Variants in ARMH4 observed in about 807,000 individuals in gnomAD.
The protein encoded by ARMH4 is armadillo like helical domain containing 4, also known as armadillo-like helical domain-containing protein 4.
A neutral mutation model predicts 61.9 loss-of-function variants in ARMH4; 49 were observed. That is an observed-to-expected ratio of 0.79 (90% CI 0.63 to 1.00). ARMH4 has a LOEUF of 1.00. ARMH4 is among the 50% of genes least tolerant of loss of function. ARMH4 has a pLI of 0.00. For synonymous variants in ARMH4, 368 were observed against 341.5 expected, an observed-to-expected ratio of 1.08 and a Z score of -0.85; for missense variants, 934 against 930.0, an observed-to-expected ratio of 1.00 and a Z score of -0.06.
intron 4 of ARMH4, among the ~76,000 whole-genome samples, chr14:58,109,297 T>C (rs951298396): frequency 1.3e-5 from 2 of 152,224 alleles, no homozygotes; most frequent in African/African-American, 4.8e-5. Flanking sequence ...TTAAACCACA[T>C]AGAACTGATT....
intron 5 of ARMH4, among the ~76,000 whole-genome samples, chr14:58,054,780 G>T (rs1171524502): frequency 6.6e-6 from 1 of 151,248 alleles, no homozygotes; most frequent in Non-Finnish European, 1.5e-5. Flanking sequence ...CACCTGTAAT[G>T]CCAGAAGAAT....
intron 4 of ARMH4, among the ~76,000 whole-genome samples, chr14:58,098,697 G>T (rs963273616): frequency 6.6e-6 from 1 of 152,160 alleles, no homozygotes; most frequent in Admixed American, 6.5e-5. Flanking sequence ...TCAAACAATG[G>T]CAAAGAAGCC....
chr14:58,003,628 G>T lies in ARMH4; in HGVS notation c.*1108C>A, dbSNP rs1472731459. On this transcript the variant is annotated 3_prime_UTR_variant, in exon 8 of 8. Coordinates refer to ENST00000267485, the MANE Select transcript of ARMH4 (RefSeq NM_001001872.4). Reference sequence around the variant, plus strand: ...CAGGGAATTACATTCCAAGGGAGATGAGAAATGATTGAACATATTTCAATA... The same window carrying T: ...CAGGGAATTACATTCCAAGGGAGATTAGAAATGATTGAACATATTTCAATA... 2 of 152,224 alleles carry T rather than the reference G, an allele frequency of 1.3e-5. No homozygotes were observed. Among genetic ancestry groups the T allele is most frequent in the Non-Finnish European group, 2.9e-5 (2 of 68,038 alleles). The allele number at this position is 152,224 out of a possible 1,614,324, so 9.4% of individuals were successfully genotyped here. A position where few individuals can be genotyped will look rare whatever the true frequency, so the allele number is the denominator to read the frequency against.
Position 58,110,110 on chromosome 14 carries a change from T to G in ARMH4, c.1832-13129A>C, listed in dbSNP as rs773898447. Among the ~76,000 whole-genome samples the G allele has an allele frequency of 8.5e-5, 13 of 152,296 alleles. No individual in the cohort carries two copies. In the South Asian group the frequency reaches 1.0e-3, roughly 12 times the overall value. On this transcript the variant is annotated intron_variant, in intron 4 of 7. Transcript: ENST00000267485. ...GGGGATTACAATTCAAGATGAGATT[T>G]GGGTGGGGATACAGAGCCAAACCGT...
At chr14:58,097,243 A>G (rs1476479604) in intron 4 of ARMH4, among the ~76,000 whole-genome samples, 1 of 152,200 alleles carries the variant, frequency 6.6e-6, no homozygotes, top group Non-Finnish European at 1.5e-5. Context: ...AAGTAATATG[A>G]TTTGTTATTA....
chr14:58,096,548 T>G (rs577465038), intron 5 of ARMH4, among the ~76,000 whole-genome samples, 176 bp downstream of exon 5: 1 of 152,336 alleles, frequency 6.6e-6, no homozygotes, highest in African/African-American at 2.4e-5. Flanking sequence ...TAATTATCAG[T>G]TATTTCTTCG....
chr14:58,036,611 G>A (rs892825892), intron 5 of ARMH4, among the ~76,000 whole-genome samples: 3 of 129,244 alleles, frequency 2.3e-5, no homozygotes, highest in Non-Finnish European at 5.1e-5. Context: ...AAGTCAAATT[G>A]TCCCTGTTTG....
intron 5 of ARMH4, among the ~76,000 whole-genome samples, chr14:58,024,484 C>T (rs1381012718): frequency 6.6e-6 from 1 of 152,128 alleles, no homozygotes; most frequent in Non-Finnish European, 1.5e-5. Flanking sequence ...CTGATTTGAT[C>T]TTCTACACAG....
At chr14:58,074,545 A>T (rs1262225919) in intron 5 of ARMH4, among the ~76,000 whole-genome samples, 1 of 151,028 alleles carries the variant, frequency 6.6e-6, no homozygotes, top group East Asian at 1.9e-4. Flanking sequence ...TCAAGCTCTG[A>T]TTTGTAGTAT....
At position 58,049,193 on chromosome 14, in the gene ARMH4, G is replaced by T. The variant is rs185062802; in HGVS notation, c.2090-37043C>A. Among the ~76,000 whole-genome samples, 799 of 150,274 alleles carry T rather than the reference G, an allele frequency of 5.3e-3. 4 individuals are homozygous for T. Among genetic ancestry groups the T allele is most frequent in the African/African-American group, 0.019 (756 of 40,828 alleles). ...GGCGGAGCTTGCAGTGAGCCGAGAT[G>T]GCACCACTGCACTCCAGCTGGGGCA... is the stretch of plus-strand genomic sequence containing the variant. On this transcript the variant is annotated intron_variant, in intron 5 of 7. Transcript: ENST00000267485.
rs1555346256 is a variant in ARMH4 at position 58,152,171 on chromosome 14, T to TAGCGGC, written c.-159_-154dup. 2.5e-5 allele frequency: 4 copies of TAGCGGC among 160,330 alleles called. No homozygotes were observed. The highest frequency in any genetic ancestry group is 4.0e-5 in the Non-Finnish European group (3 of 74,536). The allele number at this position is 160,330 out of a possible 1,614,324, so 9.9% of individuals were successfully genotyped here. A position where few individuals can be genotyped will look rare whatever the true frequency, so the allele number is the denominator to read the frequency against. On this transcript the variant is annotated 5_prime_UTR_variant, in exon 1 of 8. Coordinates refer to ENST00000267485, the MANE Select transcript of ARMH4 (RefSeq NM_001001872.4). ...GCGGGCCCTGCGGCGGCGGCGGCGG[T>TAGCGGC]AGCGGCGGCGACTCCCTCCGCTGTC...
At chr14:58,135,607 A>C (rs1040880565) in intron 2 of ARMH4, among the ~76,000 whole-genome samples, 1 of 152,102 alleles carries the variant, frequency 6.6e-6, no homozygotes, top group African/African-American at 2.4e-5. Context: ...AAGTTTCCTA[A>C]CATCTCTCAT....
chr14:58,037,125 G>A (rs2141175042), intron 5 of ARMH4, among the ~76,000 whole-genome samples: 1 of 38,018 alleles, frequency 2.6e-5, no homozygotes, highest in Non-Finnish European at 5.6e-5. Flanking sequence ...AAAGCTGGAG[G>A]CATCACACTA....
chr14:58,088,747 A>G (rs1167645027), intron 5 of ARMH4, among the ~76,000 whole-genome samples: 1 of 152,136 alleles, frequency 6.6e-6, no homozygotes, highest in Non-Finnish European at 1.5e-5. Context: ...TAAATCATGA[A>G]TATTGACTTT....
intron 5 of ARMH4, among the ~76,000 whole-genome samples, chr14:58,046,377 A>G (rs1485319162): frequency 6.6e-6 from 1 of 152,146 alleles, no homozygotes; most frequent in African/African-American, 2.4e-5. Flanking sequence ...TGGCCTCAAT[A>G]TATTATATTT....
chr14:58,119,772 C>T (rs1451696080), intron 4 of ARMH4, among the ~76,000 whole-genome samples: 1 of 152,174 alleles, frequency 6.6e-6, no homozygotes, highest in Non-Finnish European at 1.5e-5. Context: ...GGAAAAGCAG[C>T]CGCTCCAGTT....
intron 5 of ARMH4, among the ~76,000 whole-genome samples, chr14:58,022,223 ACT>A (rs138288817): frequency 3.3e-4 from 49 of 147,248 alleles, no homozygotes; most frequent in African/African-American, 4.0e-4. Context: ...AACGTCTTCA[ACT>A]CTCTCTCTCT....
chr14:58,079,494 C>A (rs1249944003), intron 5 of ARMH4, among the ~76,000 whole-genome samples: 1 of 152,184 alleles, frequency 6.6e-6, no homozygotes, highest in African/African-American at 2.4e-5. Context: ...GATTTAATTA[C>A]CTCTTCAAGG....
intron 4 of ARMH4, among the ~76,000 whole-genome samples, chr14:58,107,858 C>T (rs1886217247): frequency 1.3e-5 from 2 of 151,878 alleles, no homozygotes; most frequent in Non-Finnish European, 2.9e-5. Context: ...GGACTGAGCG[C>T]ATATTAGCCT....
Sources: gnomAD v4.1 joint callset for allele counts (sites outside exome capture counted in the v4.1 genomes callset) on GRCh38, gnomAD v4.1.1 for gene constraint, MANE v1.5 for transcripts, NCBI Gene and HGNC (gene_info 2026-07-23, HGNC 2026-07-21) for gene names.